Variants in TMEM132C observed in about 807,000 individuals in gnomAD.
TMEM132C encodes the protein transmembrane protein 132C, also known as protein phosphatase 1, regulatory subunit 152.
In TMEM132C, 29 loss-of-function variants were observed where a neutral mutation model predicts 61.4. That is an observed-to-expected ratio of 0.47 (90% CI 0.35 to 0.64). TMEM132C has a LOEUF of 0.64. TMEM132C is among the 30% of genes least tolerant of loss of function. TMEM132C has a pLI of 0.00. For synonymous variants in TMEM132C, 656 were observed against 633.1 expected, an observed-to-expected ratio of 1.04 and a Z score of -0.54; for missense variants, 1,408 against 1,476.9, an observed-to-expected ratio of 0.95 and a Z score of 0.76.
intron 3 of TMEM132C, among the ~76,000 whole-genome samples, chr12:128,584,164 C>T (rs1464276708): frequency 6.6e-6 from 1 of 152,218 alleles, no homozygotes; most frequent in East Asian, 1.9e-4. Context: ...GGTTTTAGTT[C>T]TCAGTCACCA....
At chr12:128,691,050 C>T (rs1428800051) in intron 5 of TMEM132C, among the ~76,000 whole-genome samples, 1 of 152,208 alleles carries the variant, frequency 6.6e-6, no homozygotes, top group South Asian at 2.1e-4. Flanking sequence ...CTGTTCTTTC[C>T]AAGCTACATG....
At chr12:128,512,011 C>G (rs757825215) in intron 2 of TMEM132C, among the ~76,000 whole-genome samples, 1 of 152,188 alleles carries the variant, frequency 6.6e-6, no homozygotes, top group Non-Finnish European at 1.5e-5. Flanking sequence ...GCTGCTGTGT[C>G]GGTCCAAGCA....
intron 2 of TMEM132C, among the ~76,000 whole-genome samples, chr12:128,541,055 G>C (rs11608787): frequency 0.46 from 69,161 of 150,666 alleles, 18,592 homozygotes; most frequent in Non-Finnish European, 0.6. Context: ...CTGTGTGTCT[G>C]ACTGCCTGGC....
chr12:128,541,019 C>A (rs368948903), intron 2 of TMEM132C, among the ~76,000 whole-genome samples: 5 of 127,564 alleles, frequency 3.9e-5, no homozygotes, highest in African/African-American at 1.3e-4. Flanking sequence ...ATCTTTCTCT[C>A]TTTCTCTGTC....
At chr12:128,522,398 G>A (rs1593084846) in intron 2 of TMEM132C, among the ~76,000 whole-genome samples, 1 of 152,290 alleles carries the variant, frequency 6.6e-6, no homozygotes, top group South Asian at 2.1e-4. Flanking sequence ...TGCTAGCCCG[G>A]CACTCTGCCT....
intron 2 of TMEM132C, among the ~76,000 whole-genome samples, chr12:128,494,381 T>C (rs1027554951): frequency 3.3e-5 from 5 of 152,228 alleles, no homozygotes; most frequent in African/African-American, 1.2e-4. Flanking sequence ...TAGGGAGGAT[T>C]CCCTCTTTTT....
chr12:128,582,873 C>T (rs1408203335), intron 3 of TMEM132C, among the ~76,000 whole-genome samples: 3 of 152,166 alleles, frequency 2.0e-5, no homozygotes, highest in Non-Finnish European at 2.9e-5. Context: ...CTCCTGGGCT[C>T]AAGCGATCCT....
At chr12:128,270,401 T>C (rs566751067) in intron 1 of TMEM132C, among the ~76,000 whole-genome samples, 1 of 152,322 alleles carries the variant, frequency 6.6e-6, no homozygotes, top group South Asian at 2.1e-4. Context: ...TGACTTTGTG[T>C]GCAATGTATG....
chr12:128,342,115 T>C (rs1291108096), intron 1 of TMEM132C, among the ~76,000 whole-genome samples: 1 of 152,006 alleles, frequency 6.6e-6, no homozygotes, highest in Non-Finnish European at 1.5e-5. Context: ...TTCAAAAGAT[T>C]CTCCTGCCTC....
rs1872542442 is a variant in TMEM132C at position 128,327,000 on chromosome 12, G to GTTC, written c.85+59513_85+59514insTTC. On this transcript the variant is annotated intron_variant, in intron 1 of 8. Transcript: ENST00000435159. This position sits in a 1 kb window ranked among gnomAD's most constrained non-coding sequence, Gnocchi z 5.6. ...TTTAGTGGTGTAATTTTTCCTTTTA[G>GTTC]GTTTTCTTTTATCCCCAACCTTTTT... Among the ~76,000 whole-genome samples, 1 of 149,686 alleles carries GTTC rather than the reference G, an allele frequency of 6.7e-6. No individual in the cohort carries two copies. The highest frequency in any genetic ancestry group is 1.5e-5 in the Non-Finnish European group (1 of 68,016).
At chr12:128,389,023 G>A (rs985339328) in intron 1 of TMEM132C, among the ~76,000 whole-genome samples, 2 of 152,048 alleles carry the variant, frequency 1.3e-5, no homozygotes, top group South Asian at 2.1e-4. Flanking sequence ...TTCACACCCT[G>A]CAAGAGTCCC....
intron 2 of TMEM132C, among the ~76,000 whole-genome samples, chr12:128,452,135 C>T (rs905405969): frequency 2.0e-5 from 3 of 151,910 alleles, no homozygotes; most frequent in African/African-American, 7.3e-5. Context: ...ACTCTGTCAC[C>T]CAGGCTGGAG....
intron 3 of TMEM132C, among the ~76,000 whole-genome samples, chr12:128,577,052 A>T (rs1226736350): frequency 6.6e-6 from 1 of 152,158 alleles, no homozygotes; most frequent in Non-Finnish European, 1.5e-5. Flanking sequence ...CTCAAAAGGC[A>T]ACCCCATATC....
intron 5 of TMEM132C, among the ~76,000 whole-genome samples, chr12:128,685,048 A>G (rs1238418166): frequency 1.3e-5 from 2 of 152,176 alleles, no homozygotes; most frequent in Non-Finnish European, 2.9e-5. Context: ...CCCCTCCAGG[A>G]CAAGAAGCTC....
intron 4 of TMEM132C, among the ~76,000 whole-genome samples, chr12:128,642,796 C>T (rs900853793): frequency 1.3e-5 from 2 of 152,156 alleles, no homozygotes; most frequent in African/African-American, 2.4e-5. Context: ...AAAAGAGAAG[C>T]GGAGGCACAG....
intron 2 of TMEM132C, among the ~76,000 whole-genome samples, chr12:128,496,647 C>T (rs113317294): frequency 0.011 from 1,691 of 152,274 alleles, 38 homozygotes; most frequent in African/African-American, 0.038. Context: ...CTTGTGCATT[C>T]GTCACATAGT....
chr12:128,648,445 C>T (rs1279066608), intron 4 of TMEM132C, among the ~76,000 whole-genome samples: 1 of 150,274 alleles, frequency 6.7e-6, no homozygotes, highest in African/African-American at 2.4e-5. Flanking sequence ...AGTCCATCAG[C>T]GTTGGATATG....
intron 3 of TMEM132C, 88 bp from the exon 4 acceptor site, chr12:128,616,064 T>G: frequency 7.0e-7 from 1 of 1,432,326 alleles, no homozygotes; most frequent in South Asian, 1.5e-5. Flanking sequence ...ATGTGTTTCT[T>G]TGTCTTTATC....
At chr12:128,640,661 G>A (rs75613840) in intron 4 of TMEM132C, among the ~76,000 whole-genome samples, 9,067 of 152,288 alleles carry the variant, frequency 0.06, 356 homozygotes, top group Non-Finnish European at 0.086. Context: ...TTTGGGAGGC[G>A]GAGGCGGGCA....
Sources: allele counts gnomAD v4.1 joint callset (sites outside exome capture counted in the v4.1 genomes callset), GRCh38; gene constraint gnomAD v4.1.1; non-coding constraint Gnocchi (gnomAD v3.1); transcripts MANE v1.5; gene names NCBI Gene and HGNC (gene_info 2026-07-23, HGNC 2026-07-21).